Variants in CADM2 observed in about 807,000 individuals in gnomAD.
CADM2 encodes the protein immunoglobulin superfamily member 4D.
A neutral mutation model predicts 49.8 loss-of-function variants in CADM2; 12 were observed. The observed-to-expected ratio is 0.24, with a 90% CI of 0.15 to 0.39. The LOEUF (loss-of-function observed/expected upper bound fraction) is 0.39, where lower values mean the gene tolerates loss of function less well. Among genes scored for constraint, CADM2 ranks in the 10% least tolerant of loss-of-function variants. CADM2 has a pLI of 1.00. For synonymous variants in CADM2, 214 were observed against 175.4 expected, an observed-to-expected ratio of 1.22 and a Z score of -1.74; for missense variants, 378 against 492.3, an observed-to-expected ratio of 0.77 and a Z score of 2.20.
At chr3:85,680,440 T>C (rs2066008845) in intron 1 of CADM2, among the ~76,000 whole-genome samples, 1 of 152,172 alleles carries the variant, frequency 6.6e-6, no homozygotes, top group African/African-American at 2.4e-5. Flanking sequence ...ATATATCCCA[T>C]ATAATCCGTC....
intron 1 of CADM2, among the ~76,000 whole-genome samples, chr3:85,147,324 T>C (rs1297553835): frequency 7.7e-6 from 1 of 130,312 alleles, no homozygotes; most frequent in African/African-American, 2.8e-5. Flanking sequence ...GAGTAAGAAG[T>C]AGGAAATTTC....
intron 1 of CADM2, among the ~76,000 whole-genome samples, chr3:85,132,238 T>C (rs995021860): frequency 6.6e-6 from 1 of 152,240 alleles, no homozygotes; most frequent in Admixed American, 6.5e-5. Context: ...TCTTGTAGTT[T>C]AGCTTTGGAC....
At chr3:85,749,778 C>T (rs2068788455) in intron 2 of CADM2, among the ~76,000 whole-genome samples, 1 of 151,838 alleles carries the variant, frequency 6.6e-6, no homozygotes, top group Non-Finnish European at 1.5e-5. Context: ...TGAATTCTAC[C>T]ATTCCTTTTG....
At chr3:85,295,580 G>A (rs1236293414) in intron 1 of CADM2, among the ~76,000 whole-genome samples, 2 of 151,872 alleles carry the variant, frequency 1.3e-5, no homozygotes, top group Non-Finnish European at 2.9e-5. Context: ...AGAAAATGTG[G>A]CACATATACA....
At chr3:85,996,101 T>A (rs1193214055) in intron 8 of CADM2, among the ~76,000 whole-genome samples, 14 of 148,258 alleles carry the variant, frequency 9.4e-5, no homozygotes, top group African/African-American at 2.2e-4. Flanking sequence ...AAAAAAAAAA[T>A]AAAAAATAAA....
intron 8 of CADM2, among the ~76,000 whole-genome samples, chr3:86,043,006 A>G (rs1392505392): frequency 6.6e-6 from 1 of 152,208 alleles, no homozygotes; most frequent in Non-Finnish European, 1.5e-5. Context: ...AGATGCAGAA[A>G]AGGCCTTTGA....
At chr3:85,904,984 C>A (rs1331716618) in intron 5 of CADM2, among the ~76,000 whole-genome samples, 1 of 151,810 alleles carries the variant, frequency 6.6e-6, no homozygotes, top group East Asian at 1.9e-4. Flanking sequence ...TAATGTTATT[C>A]CCCCTTTTTT....
intron 1 of CADM2, among the ~76,000 whole-genome samples, chr3:85,109,952 A>G (rs1229172200): frequency 6.6e-6 from 1 of 151,940 alleles, no homozygotes; most frequent in Non-Finnish European, 1.5e-5. Context: ...TTGTCAAAGA[A>G]AAAGAAATCT....
chr3:85,572,381 GA>G (rs1356746797), intron 1 of CADM2, among the ~76,000 whole-genome samples: 12 of 152,126 alleles, frequency 7.9e-5, no homozygotes, highest in South Asian at 2.1e-4. Flanking sequence ...GTATACTTAA[GA>G]AACAAACATA....
intron 1 of CADM2, among the ~76,000 whole-genome samples, chr3:85,548,579 C>T (rs1026418128): frequency 2.0e-5 from 3 of 152,040 alleles, no homozygotes; most frequent in African/African-American, 7.2e-5. Flanking sequence ...GAGAGACTGT[C>T]CTGGCTGTCT....
chr3:85,622,499 T>A (rs1490439987), intron 1 of CADM2, among the ~76,000 whole-genome samples: 2 of 152,130 alleles, frequency 1.3e-5, no homozygotes, highest in African/African-American at 4.8e-5. Context: ...TTGTATCATG[T>A]GTCTGTTTCC....
intron 1 of CADM2, among the ~76,000 whole-genome samples, chr3:85,597,246 C>G (rs1211248911): frequency 6.6e-6 from 1 of 151,970 alleles, no homozygotes; most frequent in East Asian, 1.9e-4. Flanking sequence ...GAAGCTTATA[C>G]AACTCTCAAA....
At chr3:85,323,191 T>C (rs1181927202) in intron 1 of CADM2, among the ~76,000 whole-genome samples, 2 of 152,164 alleles carry the variant, frequency 1.3e-5, no homozygotes, top group African/African-American at 4.8e-5. Flanking sequence ...CTGAATGCAA[T>C]CTCTACCTGG....
chr3:85,821,755 T>C (rs1299269505), intron 3 of CADM2, among the ~76,000 whole-genome samples: 2 of 152,140 alleles, frequency 1.3e-5, no homozygotes, highest in Non-Finnish European at 2.9e-5. Flanking sequence ...GGGCCATTTT[T>C]CTCTATATAT....
At chr3:85,993,361 T>A (rs529037318) in intron 8 of CADM2, 2 of 152,310 alleles carry the variant, frequency 1.3e-5, no homozygotes, top group South Asian at 2.1e-4. Flanking sequence ...CTACTTATAG[T>A]TATCTTGCTA....
intron 1 of CADM2, among the ~76,000 whole-genome samples, chr3:85,421,392 T>C (rs946619693): frequency 6.6e-6 from 1 of 152,158 alleles, no homozygotes; most frequent in South Asian, 2.1e-4. Flanking sequence ...TGAATTTAAA[T>C]TATGGTTGTC....
At chr3:85,639,516 T>A (rs1402931069) in intron 1 of CADM2, among the ~76,000 whole-genome samples, 1 of 152,182 alleles carries the variant, frequency 6.6e-6, no homozygotes, top group East Asian at 1.9e-4. Flanking sequence ...TAGAATGCTC[T>A]ACCACCAGGA....
chr3:85,116,069 G>A (rs1225400166), intron 1 of CADM2, among the ~76,000 whole-genome samples: 4 of 152,236 alleles, frequency 2.6e-5, no homozygotes, highest in Admixed American at 2.6e-4. Context: ...GCTCACGCCT[G>A]TAATCCCAGC....
intron 8 of CADM2, chr3:86,014,533 C>A: frequency 6.4e-7 from 1 of 1,572,184 alleles, no homozygotes; most frequent in Non-Finnish European, 8.7e-7. Flanking sequence ...AACTTGGAAT[C>A]TCAGCTAGCC....
Sources: gnomAD v4.1 joint callset for allele counts (sites outside exome capture counted in the v4.1 genomes callset) on GRCh38, gnomAD v4.1.1 for gene constraint, MANE v1.5 for transcripts, NCBI Gene and HGNC (gene_info 2026-07-23, HGNC 2026-07-21) for gene names.